SEC24B: variants seen among roughly 807,000 people sequenced by gnomAD.
SEC24B encodes the protein SEC24 homolog B, COPII component, also known as protein transport protein Sec24B.
In SEC24B, 45 loss-of-function variants were observed where a neutral mutation model predicts 142.8. The ratio of observed to expected loss-of-function variants is 0.32; its 90% CI spans 0.25 to 0.40. The LOEUF is 0.40. SEC24B is among the 10% of genes least tolerant of loss of function. The pLI, the probability that SEC24B is intolerant of heterozygous loss-of-function variation, is 1.00. For missense variants in SEC24B, 1,409 were observed against 1,526.8 expected (o/e 0.92, Z 1.29); for synonymous variants, 574 against 568.2 (o/e 1.01, Z -0.15).
At chr4:109,475,662 CTG>C (rs1327046212) in intron 3 of SEC24B, among the ~76,000 whole-genome samples, 3 of 152,178 alleles carry the variant, frequency 2.0e-5, no homozygotes, top group Non-Finnish European at 2.9e-5. Context: ...ACTTTTAAAA[CTG>C]AGATGTTACA....
intron 17 of SEC24B, 28 bp downstream of exon 17, chr4:109,526,427 C>A: frequency 6.5e-7 from 1 of 1,546,184 alleles, no homozygotes; most frequent in Non-Finnish European, 8.8e-7. Flanking sequence ...GAAATATAGT[C>A]TGCAGCAGTA....
At chr4:109,437,874 C>T (rs1180523960) in intron 1 of SEC24B, among the ~76,000 whole-genome samples, 5 of 152,186 alleles carry the variant, frequency 3.3e-5, no homozygotes, top group Non-Finnish European at 7.3e-5. Context: ...CCACCTGCCT[C>T]GGCCTCCCAG....
chr4:109,526,693 T>TA (rs1164539046), intron 17 of SEC24B, among the ~76,000 whole-genome samples: 6 of 152,194 alleles, frequency 3.9e-5, no homozygotes, highest in Non-Finnish European at 4.4e-5. Context: ...CCCCAAAAAG[T>TA]AAAAAACTGC....
intron 2 of SEC24B, among the ~76,000 whole-genome samples, 173 bp from the exon 3 acceptor site, chr4:109,472,831 T>C (rs1286897709): frequency 6.6e-6 from 1 of 150,520 alleles, no homozygotes; most frequent in Non-Finnish European, 1.5e-5. Flanking sequence ...TAGGTAAATG[T>C]GATGCTATTG....
intron 3 of SEC24B, among the ~76,000 whole-genome samples, chr4:109,473,961 C>T (rs1256455715): frequency 6.6e-6 from 1 of 152,118 alleles, no homozygotes; most frequent in Non-Finnish European, 1.5e-5. Context: ...AATGACAGCT[C>T]CTAACGTTGA....
At position 109,466,627 on chromosome 4, in the gene SEC24B, G is replaced by A. The variant is rs564410104; in HGVS notation, c.877+2983G>A. ...GGGTTTCACCATGTTGGCCAGGATG[G>A]TCTTGATCTCCTGACCTTGTGATCC... On this transcript the variant is annotated intron_variant, in intron 2 of 23. Transcript: ENST00000265175. 5.9e-5 allele frequency among the ~76,000 whole-genome samples: 9 copies of A among 152,280 alleles called. No individual in the cohort carries two copies. The East Asian group carries it at 1.6e-3, about 26-fold the overall frequency.
At chr4:109,518,951 C>T (rs553887249) in intron 11 of SEC24B, among the ~76,000 whole-genome samples, 3 of 151,938 alleles carry the variant, frequency 2.0e-5, no homozygotes, top group East Asian at 1.9e-4. Context: ...CGACTACAAG[C>T]GCACACCATC....
At chr4:109,492,583 G>A (rs1735129919) in intron 5 of SEC24B, among the ~76,000 whole-genome samples, 1 of 152,090 alleles carries the variant, frequency 6.6e-6, no homozygotes, top group Non-Finnish European at 1.5e-5. Context: ...AGTAACCTTG[G>A]ACAAGTTTTC....
chr4:109,446,732 A>G lies in SEC24B; in HGVS notation c.133+12730A>G, dbSNP rs534953692. On this transcript the variant is annotated intron_variant, in intron 1 of 23. Coordinates refer to ENST00000265175, the MANE Select transcript of SEC24B (RefSeq NM_006323.5). ...TGTATTATGGTATAAATTATTTTAC[A>G]TAGTGAAAGCTTTTAAAGTTTCATG... 2.9e-3 allele frequency among the ~76,000 whole-genome samples: 442 copies of G among 152,356 alleles called. 1 individual carries two copies. Among genetic ancestry groups the G allele is most frequent in the African/African-American group, 0.01 (429 of 41,594 alleles).
At chr4:109,492,293 A>C (rs756998033) in intron 5 of SEC24B, among the ~76,000 whole-genome samples, 22 of 152,038 alleles carry the variant, frequency 1.4e-4, no homozygotes, top group Non-Finnish European at 2.5e-4. Flanking sequence ...GTAGTTAAGG[A>C]TTTTTCCCCT....
intron 1 of SEC24B, among the ~76,000 whole-genome samples, chr4:109,455,190 C>A (rs1730537682): frequency 6.6e-6 from 1 of 152,108 alleles, no homozygotes; most frequent in Non-Finnish European, 1.5e-5. Context: ...CATTGTCAAT[C>A]CCAGATTCCC....
intron 6 of SEC24B, among the ~76,000 whole-genome samples, chr4:109,503,162 C>T (rs574659572): frequency 1.3e-5 from 2 of 150,686 alleles, no homozygotes; most frequent in Admixed American, 1.3e-4. Context: ...CAGATTCAAG[C>T]GATTCTCCTG....
In SEC24B at chr4:109,447,468, G is replaced by A. The variant is rs889517058; in HGVS notation, c.133+13466G>A. The stretch of plus-strand genomic sequence containing the variant: ...TAGGGCCTCTTGAGGTGAAACTCAA[G>A]CATACAATCTTAGTTGATGTTGTAC... On this transcript the variant is annotated intron_variant, in intron 1 of 23. Coordinates refer to ENST00000265175, the MANE Select transcript of SEC24B (RefSeq NM_006323.5). Among the ~76,000 whole-genome samples, 3 of 152,180 alleles carry A rather than the reference G, an allele frequency of 2.0e-5. No individual in the cohort carries two copies. In the South Asian group the frequency reaches 6.2e-4, roughly 32 times the overall value.
At chr4:109,475,742 C>A (rs567522136) in intron 3 of SEC24B, among the ~76,000 whole-genome samples, 1 of 152,106 alleles carries the variant, frequency 6.6e-6, no homozygotes, top group African/African-American at 2.4e-5. Context: ...CACAAATACC[C>A]CTTCTTTAAC....
At chr4:109,471,717 A>T (rs1366425600) in intron 2 of SEC24B, among the ~76,000 whole-genome samples, 5 of 152,194 alleles carry the variant, frequency 3.3e-5, no homozygotes, top group African/African-American at 1.2e-4. Flanking sequence ...CAGTTGGTGC[A>T]GACTCTTCAC....
rs772083783 is a variant in SEC24B at position 109,485,014 on chromosome 4, G to A, written c.1165+3233G>A. 6.5e-4 allele frequency among the ~76,000 whole-genome samples: 99 copies of A among 152,050 alleles called. 1 individual carries two copies. Among genetic ancestry groups the A allele is most frequent in the Non-Finnish European group, 2.6e-4 (18 of 68,034 alleles). On this transcript the variant is annotated intron_variant, in intron 4 of 23. Transcript: ENST00000265175. ...TAGCACTTACTGAATGCCAGTCGTA[G>A]CAATACAGAGCTAGTATGTCTCCCT...
At chr4:109,439,094 A>G (rs1050316048) in intron 1 of SEC24B, among the ~76,000 whole-genome samples, 1 of 152,234 alleles carries the variant, frequency 6.6e-6, no homozygotes, top group Admixed American at 6.5e-5. Flanking sequence ...ATGAAAGTAT[A>G]TTTTAATCCT....
intron 1 of SEC24B, among the ~76,000 whole-genome samples, chr4:109,451,647 G>C (rs1157979982): frequency 6.6e-6 from 1 of 152,118 alleles, no homozygotes; most frequent in Non-Finnish European, 1.5e-5. Context: ...TCAGCCCTAT[G>C]TCCAAGGGAC....
chr4:109,442,914 A>G (rs893168092), intron 1 of SEC24B, among the ~76,000 whole-genome samples: 1 of 152,164 alleles, frequency 6.6e-6, no homozygotes, highest in African/African-American at 2.4e-5. Context: ...TAACCTTTTT[A>G]TGTCAAATGT....
Sources: allele counts gnomAD v4.1 joint callset (sites outside exome capture counted in the v4.1 genomes callset), GRCh38; gene constraint gnomAD v4.1.1; transcripts MANE v1.5; gene names NCBI Gene and HGNC (gene_info 2026-07-23, HGNC 2026-07-21).